The following NEDD9 variants were observed in gnomAD, a reference collection of about 807,000 sequenced individuals.
NEDD9 encodes the protein enhancer of filamentation 1.
A neutral mutation model predicts 76.6 loss-of-function variants in NEDD9; 26 were observed. That is an observed-to-expected ratio of 0.34 (90% CI 0.25 to 0.47). NEDD9 has a LOEUF of 0.47. NEDD9 is among the 20% of genes least tolerant of loss of function. The pLI, the probability that NEDD9 is intolerant of heterozygous loss-of-function variation, is 1.00. For missense variants in NEDD9, 937 were observed against 1,058.5 expected, an observed-to-expected ratio of 0.89 and a Z score of 1.59; for synonymous variants, 392 against 414.2, an observed-to-expected ratio of 0.95 and a Z score of 0.65.
intron 2 of NEDD9, among the ~76,000 whole-genome samples, chr6:11,319,758 A>G (rs1168873411): frequency 6.6e-6 from 1 of 150,610 alleles, no homozygotes; most frequent in Non-Finnish European, 1.5e-5. Context: ...ACTAACATGC[A>G]CACTAACATG....
At chr6:11,227,541 T>TA (rs1759340450) in intron 1 of NEDD9, among the ~76,000 whole-genome samples, 2 of 152,230 alleles carry the variant, frequency 1.3e-5, no homozygotes, top group South Asian at 4.1e-4. Context: ...GCCCATGCTC[T>TA]ATCATGTCTC....
chr6:11,255,682 G>A (rs1759989697), intron 3 of NEDD9, among the ~76,000 whole-genome samples: 2 of 152,178 alleles, frequency 1.3e-5, no homozygotes, highest in South Asian at 4.2e-4. Context: ...GGCCTTGCAT[G>A]GATCCACATA....
intron 3 of NEDD9, among the ~76,000 whole-genome samples, chr6:11,259,580 A>T (rs1760066166): frequency 6.6e-6 from 1 of 152,230 alleles, no homozygotes; most frequent in South Asian, 2.1e-4. Context: ...TTGACTGCTT[A>T]TACAGTGGAA....
rs141335167 is a variant in NEDD9 at position 11,189,108 on chromosome 6, G to A, written c.1906-801C>T. On this transcript the variant is annotated intron_variant, in intron 5 of 6. Transcript: ENST00000379446. The stretch of plus-strand genomic sequence containing the variant: ...ACTACAGGCGTGCATCACCATGCCT[G>A]GCTAATTTTCGTACTTTTAGTAGAG... Among the ~76,000 whole-genome samples, 544 of 152,156 alleles carry A rather than the reference G, an allele frequency of 3.6e-3. 4 individuals are homozygous for A. The highest frequency in any genetic ancestry group is 0.012 in the African/African-American group (493 of 41,522).
At chr6:11,290,926 G>C (rs1258179393) in intron 3 of NEDD9, among the ~76,000 whole-genome samples, 1 of 152,214 alleles carries the variant, frequency 6.6e-6, no homozygotes, top group East Asian at 1.9e-4. Flanking sequence ...CTAGACGGTA[G>C]AGTGCCAGTG....
chr6:11,305,899 A>C (rs1295350667), intron 3 of NEDD9: 3 of 1,450,318 alleles, frequency 2.1e-6, no homozygotes, highest in Non-Finnish European at 2.9e-6. Context: ...TGACAAAAAA[A>C]CATGATTTGT....
At chr6:11,341,098 T>A (rs1448196675) in intron 1 of NEDD9, among the ~76,000 whole-genome samples, 2 of 152,222 alleles carry the variant, frequency 1.3e-5, no homozygotes, top group Non-Finnish European at 2.9e-5. Context: ...CTTTGGATTA[T>A]GACCTGAAGG....
At chr6:11,240,850 T>C (rs186572539) in intron 3 of NEDD9, among the ~76,000 whole-genome samples, 21 of 152,310 alleles carry the variant, frequency 1.4e-4, no homozygotes, top group Admixed American at 1.4e-3. Context: ...ATCTCCATAA[T>C]TGTGCAAGGT....
chr6:11,295,045 C>A (rs1235172013), intron 3 of NEDD9, among the ~76,000 whole-genome samples: 1 of 152,220 alleles, frequency 6.6e-6, no homozygotes, highest in Non-Finnish European at 1.5e-5. Flanking sequence ...CCTCCTTTGC[C>A]TTCTGCATTG....
chr6:11,377,440 C>G (rs1762987079), intron 1 of NEDD9, among the ~76,000 whole-genome samples: 1 of 152,238 alleles, frequency 6.6e-6, no homozygotes, highest in Non-Finnish European at 1.5e-5. Context: ...AAATGTAGGA[C>G]TTGGAGTCAA....
In NEDD9 at chr6:11,306,527, G is replaced by C. The variant is rs144466158; in HGVS notation, c.-152-372C>G. ...TTGAGAGATGGGTAGACGTTTGCCA[G>C]ATGTTTTGTATGGATAGTAGAGGTG... is the stretch of plus-strand genomic sequence containing the variant. On this transcript the variant is annotated intron_variant, in intron 2 of 3. Transcript: ENST00000397378. Among the ~76,000 whole-genome samples the C allele has an allele frequency of 7.7e-4, 118 of 152,344 alleles. 1 individual carries two copies. In the Middle Eastern group the frequency reaches 0.01, roughly 13 times the overall value.
rs753810706 is a variant in NEDD9, at chr6:11,190,044, T to G, written c.1825A>C (p.Lys609Gln). 6.4e-7 allele frequency: 1 copy of G among 1,571,516 alleles called. No homozygotes were observed. The highest frequency in any genetic ancestry group is 8.6e-7 in the Non-Finnish European group (1 of 1,158,312). ...CTGCTACAGTCAGGGGCCTGCTCCT[T>G]GCTCAGGCCTGGGGGCAGTGCCTTG... Reference protein sequence around the residue: ...HNKALPPGLSKEQAPDCSSSD... With the variant: ...HNKALPPGLSQEQAPDCSSSD... Residue 609 changes from lysine (K) to glutamine (Q), a missense_variant, in exon 5 of 7, where the codon AAG becomes CAG. Coordinates refer to ENST00000379446, the MANE Select transcript of NEDD9 (RefSeq NM_006403.4). The surrounding 1 kb of genome is among the most constrained non-coding windows in gnomAD (Gnocchi z 5.8).
chr6:11,289,726 C>G (rs532720789), intron 3 of NEDD9, among the ~76,000 whole-genome samples: 1 of 152,266 alleles, frequency 6.6e-6, no homozygotes, highest in African/African-American at 2.4e-5. Flanking sequence ...GCTGGGATTA[C>G]AGGCGTGAGC....
chr6:11,304,934 A>AT, intron 3 of NEDD9: 1 of 478,470 alleles, frequency 2.1e-6, no homozygotes, highest in South Asian at 2.0e-5. Context: ...TTGCACATGT[A>AT]CCCTAGAACT....
chr6:11,333,126 A>G (rs935351969), intron 2 of NEDD9, among the ~76,000 whole-genome samples: 7 of 152,204 alleles, frequency 4.6e-5, no homozygotes, highest in African/African-American at 1.7e-4. Context: ...GTCTACTGTC[A>G]GTGAAAGCTA....
At chr6:11,208,949 T>C (rs1057365432) in intron 2 of NEDD9, among the ~76,000 whole-genome samples, 1 of 152,134 alleles carries the variant, frequency 6.6e-6, no homozygotes, top group African/African-American at 2.4e-5. Context: ...ATTGAAAACT[T>C]TTTTTCTTCC....
intron 1 of NEDD9, among the ~76,000 whole-genome samples, chr6:11,361,238 T>C (rs1437994823): frequency 6.6e-6 from 1 of 152,194 alleles, no homozygotes; most frequent in African/African-American, 2.4e-5. Context: ...AGCCAAACTC[T>C]AGATCATATC....
intron 3 of NEDD9, among the ~76,000 whole-genome samples, chr6:11,281,593 A>G (rs1760539503): frequency 6.6e-6 from 1 of 152,060 alleles, no homozygotes; most frequent in Non-Finnish European, 1.5e-5. Flanking sequence ...CACTCAAGGG[A>G]TCCTCCTGCC....
intron 3 of NEDD9, among the ~76,000 whole-genome samples, chr6:11,244,284 C>T (rs1323771869): frequency 2.0e-5 from 3 of 151,106 alleles, no homozygotes; most frequent in Non-Finnish European, 4.4e-5. Flanking sequence ...CACGTGTGTG[C>T]ACGCACACAC....
Sources: allele counts gnomAD v4.1 joint callset (sites outside exome capture counted in the v4.1 genomes callset), GRCh38; gene constraint gnomAD v4.1.1; non-coding constraint Gnocchi (gnomAD v3.1); transcripts MANE v1.5; gene names NCBI Gene and HGNC (gene_info 2026-07-23, HGNC 2026-07-21).